The following MPPED2 variants were observed in gnomAD, a reference collection of about 807,000 sequenced individuals.
MPPED2 encodes the protein metallophosphoesterase MPPED2.
Under a neutral mutation model 33.0 loss-of-function variants are expected in MPPED2, and 5 were observed. The observed-to-expected ratio is 0.15, with a 90% CI of 0.08 to 0.32. The LOEUF (loss-of-function observed/expected upper bound fraction) is 0.32, where lower values mean the gene tolerates loss of function less well. Among genes scored for constraint, MPPED2 ranks in the 10% least tolerant of loss-of-function variants. The pLI, the probability that MPPED2 is intolerant of heterozygous loss-of-function variation, is 1.00. For missense variants in MPPED2, 275 were observed against 372.1 expected (o/e 0.74, Z 2.15); for synonymous variants, 136 against 141.9 (o/e 0.96, Z 0.29).
At chr11:30,442,258 C>G (rs1419601045) in intron 4 of MPPED2, among the ~76,000 whole-genome samples, 1 of 151,986 alleles carries the variant, frequency 6.6e-6, no homozygotes, top group Non-Finnish European at 1.5e-5. Flanking sequence ...TTTTAGAGAA[C>G]AGAGAAATAG....
chr11:30,399,726 A>T (rs1947884859), intron 6 of MPPED2, among the ~76,000 whole-genome samples: 1 of 152,244 alleles, frequency 6.6e-6, no homozygotes, highest in Non-Finnish European at 1.5e-5. Flanking sequence ...GCTAAAGTTT[A>T]TAAACTGCAG....
At chr11:30,509,678 T>G (rs1234472158) in intron 3 of MPPED2, among the ~76,000 whole-genome samples, 1 of 152,168 alleles carries the variant, frequency 6.6e-6, no homozygotes, top group Admixed American at 6.5e-5. Context: ...GCAAGGCCAG[T>G]TCTATCCTTT....
chr11:30,542,964 G>T (rs571027709), intron 2 of MPPED2, among the ~76,000 whole-genome samples: 1 of 152,126 alleles, frequency 6.6e-6, no homozygotes, highest in African/African-American at 2.4e-5. Context: ...TATCTAGAGA[G>T]ACAGTCCAAA....
intron 4 of MPPED2, among the ~76,000 whole-genome samples, chr11:30,483,942 C>T (rs987461109): frequency 5.0e-4 from 76 of 152,182 alleles, no homozygotes; most frequent in African/African-American, 1.7e-3. Context: ...ATCAGAGGCA[C>T]GTAGTTCTAT....
At chr11:30,452,596 G>GC (rs1565081449) in intron 4 of MPPED2, among the ~76,000 whole-genome samples, 1 of 152,166 alleles carries the variant, frequency 6.6e-6, no homozygotes, top group East Asian at 1.9e-4. Context: ...CTGGGGGTAA[G>GC]GTATGTACTG....
At chr11:30,539,624 GTTGT>G (rs1468942567) in intron 2 of MPPED2, among the ~76,000 whole-genome samples, 3 of 152,016 alleles carry the variant, frequency 2.0e-5, no homozygotes, top group East Asian at 1.9e-4. Context: ...TTTTTCTTTT[GTTGT>G]TTGTTTGTTT....
intron 3 of MPPED2, among the ~76,000 whole-genome samples, chr11:30,515,916 T>C (rs771626362): frequency 2.6e-5 from 4 of 151,994 alleles, no homozygotes; most frequent in Non-Finnish European, 5.9e-5. Flanking sequence ...CTCTAAAGAG[T>C]TAAAATAAAG....
At chr11:30,522,322 A>T (rs940791788) in intron 3 of MPPED2, among the ~76,000 whole-genome samples, 11 of 152,052 alleles carry the variant, frequency 7.2e-5, no homozygotes, top group Non-Finnish European at 1.5e-4. Flanking sequence ...GGAAAGATAC[A>T]TTGAAATATT....
chr11:30,425,367 C>A (rs956645205), intron 4 of MPPED2, among the ~76,000 whole-genome samples: 3 of 152,140 alleles, frequency 2.0e-5, no homozygotes, highest in African/African-American at 7.2e-5. Flanking sequence ...AACCAAGAAA[C>A]AAAAGACAAC....
Position 30,505,082 on chromosome 11 carries a change from C to T in MPPED2, c.311-9561G>A, listed in dbSNP as rs1361369398. On this transcript the variant is annotated intron_variant, in intron 3 of 6. Coordinates refer to ENST00000358117, the MANE Select transcript of MPPED2 (RefSeq NM_001584.3). Reference sequence around the variant, plus strand: ...GAAGACAAAAGTCCACTCCCCATCCCTTACAGTAGTCACTACTGCATTGCA... The same window carrying T: ...GAAGACAAAAGTCCACTCCCCATCCTTTACAGTAGTCACTACTGCATTGCA... Among the ~76,000 whole-genome samples the T allele has an allele frequency of 3.9e-5, 6 of 152,298 alleles. No individual in the cohort carries two copies. In the East Asian group the frequency reaches 1.2e-3, roughly 29 times the overall value.
At chr11:30,419,562 A>T (rs899463842) in intron 4 of MPPED2, among the ~76,000 whole-genome samples, 9 of 152,074 alleles carry the variant, frequency 5.9e-5, no homozygotes, top group Non-Finnish European at 7.4e-5. Flanking sequence ...ACAACATCTG[A>T]GTTTCTTTTG....
At chr11:30,415,672 C>A (rs1173889364) in intron 5 of MPPED2, among the ~76,000 whole-genome samples, 6 of 152,198 alleles carry the variant, frequency 3.9e-5, no homozygotes, top group Non-Finnish European at 8.8e-5. Flanking sequence ...CTACTCACAG[C>A]CACTCTCTCA....
chr11:30,453,293 A>T (rs758319389), intron 4 of MPPED2, among the ~76,000 whole-genome samples: 3 of 152,216 alleles, frequency 2.0e-5, no homozygotes, highest in Non-Finnish European at 2.9e-5. Context: ...TCAGAAAGAT[A>T]CTAAGGAAAC....
chr11:30,384,972 G>A (rs959151367), exon 7 of MPPED2: 1 of 152,112 alleles, frequency 6.6e-6, no homozygotes, highest in Non-Finnish European at 1.5e-5. Flanking sequence ...CCATACCAGT[G>A]TGCCCTGTAT....
chr11:30,451,750 T>C, intron 4 of MPPED2: 1 of 984,222 alleles, frequency 1.0e-6, no homozygotes, highest in Non-Finnish European at 1.2e-6. Flanking sequence ...TAGGACTCAT[T>C]ATTATGCAAT....
chr11:30,420,905 A>G (rs1948580731), intron 4 of MPPED2, among the ~76,000 whole-genome samples: 1 of 152,206 alleles, frequency 6.6e-6, no homozygotes. Flanking sequence ...TTTGTTTTAA[A>G]AGTAAAAACA....
chr11:30,573,992 T>A (rs866539384), intron 2 of MPPED2, among the ~76,000 whole-genome samples: 2 of 152,208 alleles, frequency 1.3e-5, no homozygotes, highest in South Asian at 4.1e-4. Context: ...CAACAAGTTT[T>A]AAAAAATTAA....
rs527675731 is a variant in MPPED2, at chr11:30,455,139, G to A, written c.537-37506C>T. Among the ~76,000 whole-genome samples, 10 of 152,318 alleles carry A rather than the reference G, an allele frequency of 6.6e-5. No homozygotes were observed. The Middle Eastern group carries it at 0.01, about 155-fold the overall frequency. On this transcript the variant is annotated intron_variant, in intron 4 of 6. Transcript: ENST00000358117. The stretch of plus-strand genomic sequence containing the variant: ...TGAAATTTCCCAGTTGTCCCAAGAA[G>A]TTTTTACCTTGTTTCCATGCTAGCA...
At chr11:30,530,238 G>A (rs909581683) in intron 3 of MPPED2, among the ~76,000 whole-genome samples, 1 of 152,184 alleles carries the variant, frequency 6.6e-6, no homozygotes, top group African/African-American at 2.4e-5. Context: ...AAAAGGAAGG[G>A]GAGGGAAGGA....
Sources: gnomAD v4.1 joint callset for allele counts (sites outside exome capture counted in the v4.1 genomes callset) on GRCh38, gnomAD v4.1.1 for gene constraint, MANE v1.5 for transcripts, NCBI Gene and HGNC (gene_info 2026-07-23, HGNC 2026-07-21) for gene names.